PKD2L1: variants seen among roughly 807,000 people sequenced by gnomAD.
PKD2L1 encodes polycystin 2 like 1, transient receptor potential cation channel.
In PKD2L1, 77 loss-of-function variants were observed where a neutral mutation model predicts 93.0. That is an observed-to-expected ratio of 0.83 (90% CI 0.69 to 1.00). The LOEUF is 1.00. Ranked by LOEUF, PKD2L1 falls within the 50% of genes least tolerant of loss-of-function variation. PKD2L1 has a pLI of 0.00. For synonymous variants in PKD2L1, 390 were observed against 388.0 expected (o/e 1.01, Z -0.06); for missense variants, 977 against 990.9 (o/e 0.99, Z 0.19).
chr10:100,313,654 G>A (rs898864678), intron 2 of PKD2L1, among the ~76,000 whole-genome samples: 6 of 151,318 alleles, frequency 4.0e-5, no homozygotes, highest in Middle Eastern at 3.2e-3. Context: ...GAGTTACTGG[G>A]TCTACCCTCA....
intron 2 of PKD2L1, among the ~76,000 whole-genome samples, chr10:100,318,763 C>T (rs1339410856): frequency 1.3e-5 from 2 of 152,164 alleles, no homozygotes; most frequent in African/African-American, 2.4e-5. Context: ...TCGTGATCCA[C>T]CCACCTTGGC....
rs868718875 is a variant in PKD2L1, at chr10:100,294,953, G to A, written c.1527C>T (p.Phe509=). ...GACAGGACACACACATGCACTTGAT[G>A]AAAGTGCTAAAGTTTTCCACTTGGG... ...FGTQVENFST[F]IKCIFTQFRI... is the part of the protein sequence containing the mutation. Residue 509 remains phenylalanine, a synonymous_variant, in exon 8 of 16, where the codon TTC becomes TTT. Transcript: ENST00000318222. 6.2e-7 allele frequency: 1 copy of A among 1,613,178 alleles called. No homozygotes were observed. The highest frequency in any genetic ancestry group is 1.7e-5 in the Admixed American group (1 of 59,844).
intron 2 of PKD2L1, among the ~76,000 whole-genome samples, chr10:100,303,385 G>A (rs139450722): frequency 0.031 from 4,751 of 151,922 alleles, 88 homozygotes; most frequent in Non-Finnish European, 0.049. Flanking sequence ...TAGAGACGGG[G>A]TTTCTCCATA....
chr10:100,307,618 A>G (rs1848834482), intron 2 of PKD2L1, among the ~76,000 whole-genome samples: 1 of 152,188 alleles, frequency 6.6e-6, no homozygotes, highest in Non-Finnish European at 1.5e-5. Context: ...AGTGATCGTG[A>G]CATTGCATTC....
At chr10:100,288,598 T>C in intron 15 of PKD2L1, 120 bp from the exon 16 acceptor site, 1 of 683,792 alleles carries the variant, frequency 1.5e-6, no homozygotes, top group South Asian at 1.7e-5. Context: ...TCTCTTGGTT[T>C]CTACCTTTTT....
At chr10:100,312,390 C>T (rs961804095) in intron 2 of PKD2L1, among the ~76,000 whole-genome samples, 1 of 152,112 alleles carries the variant, frequency 6.6e-6, no homozygotes, top group Non-Finnish European at 1.5e-5. Context: ...TTATGAGTTG[C>T]TGTTGAAGGA....
intron 2 of PKD2L1, among the ~76,000 whole-genome samples, chr10:100,315,698 G>T (rs935831691): frequency 2.6e-5 from 4 of 152,154 alleles, no homozygotes; most frequent in African/African-American, 9.7e-5. Context: ...TGTTGTAATA[G>T]AATGAGAAGA....
At chr10:100,315,172 G>C (rs1031339169) in intron 2 of PKD2L1, among the ~76,000 whole-genome samples, 1 of 151,070 alleles carries the variant, frequency 6.6e-6, no homozygotes, top group African/African-American at 2.4e-5. Context: ...ATTACTGAGA[G>C]GGATTTTTTA....
intron 2 of PKD2L1, among the ~76,000 whole-genome samples, chr10:100,302,522 C>T (rs539086741): frequency 1.6e-4 from 24 of 151,380 alleles, no homozygotes; most frequent in Non-Finnish European, 3.1e-4. Context: ...TATAGCCAAA[C>T]CTCATCTCTA....
intron 1 of PKD2L1, among the ~76,000 whole-genome samples, 165 bp downstream of exon 1, chr10:100,329,704 G>A (rs1241287040): frequency 6.6e-6 from 1 of 152,170 alleles, no homozygotes; most frequent in Non-Finnish European, 1.5e-5. Context: ...TGGCCTCTGT[G>A]TTCTGGGTCA....
rs1234805108 is a variant in PKD2L1, at chr10:100,290,415, T to C, written c.2112A>G (p.Gly704=). 1.2e-6 allele frequency: 2 copies of C among 1,611,196 alleles called. No homozygotes were observed. The highest frequency in any genetic ancestry group is 2.2e-5 in the East Asian group (1 of 44,864). The change falls in exon 13 of 16, where the codon GGA becomes GGG. Residue 704 remains glycine, a synonymous_variant. Coordinates refer to ENST00000318222, the MANE Select transcript of PKD2L1 (RefSeq NM_016112.3). ...EAARAGGWVS[G]EEFYMLTRRV... ...GCTGCACGTACATGTAGAATTCTTCTCCTGAAACCCAGCCTCCTGCTCTGG... is the reference window on the plus strand; with the variant it reads ...GCTGCACGTACATGTAGAATTCTTCCCCTGAAACCCAGCCTCCTGCTCTGG...
At position 100,296,261 on chromosome 10, in the gene PKD2L1, A is replaced by G; in HGVS notation, c.1217T>C (p.Phe406Ser). 1 of 1,605,062 alleles carries G rather than the reference A, an allele frequency of 6.2e-7. No individual in the cohort carries two copies. Among genetic ancestry groups the G allele is most frequent in the Non-Finnish European group, 8.5e-7 (1 of 1,176,786 alleles). Residue 406 changes from phenylalanine to serine, a missense_variant, in exon 7 of 16, where the codon TTC (phenylalanine) becomes TCC (serine). Physicochemically the swap from Phe to Ser is radical, Grantham distance 155 (BLOSUM62 -2). Coordinates refer to ENST00000318222, the MANE Select transcript of PKD2L1 (RefSeq NM_016112.3). ...GAGCCGATTCACCTCGAGGGTTCGG[A>G]ATATGTGGAAGCCCACAGCCACAAT... Reference protein sequence around the residue: ...LSIVAVGFHIFRTLEVNRLMG... With the variant: ...LSIVAVGFHISRTLEVNRLMG...
At chr10:100,288,894 G>A in intron 15 of PKD2L1, 78 bp downstream of exon 15, 2 of 861,840 alleles carry the variant, frequency 2.3e-6, no homozygotes, top group Non-Finnish European at 1.8e-6. Flanking sequence ...TAGAAGTGCA[G>A]GGGATGTGGC....
rs1304238828 is a variant in PKD2L1 at position 100,298,878 on chromosome 10, C to A, written c.478-63G>T. 4.6e-6 allele frequency: 7 copies of A among 1,511,536 alleles called. No individual in the cohort carries two copies. The Admixed American group carries it at 6.2e-5, about 13-fold the overall frequency. 93.6% of individuals were successfully genotyped at this position (1,511,536 alleles called of 1,614,324 possible). A position where few individuals can be genotyped will look rare whatever the true frequency, so the allele number is the denominator to read the frequency against. Reference sequence around the variant, plus strand: ...TCCTGACCCCCTACCTTTAGAATGACCTTTGCCCTCATCCTCTGACTCCCC... The same window carrying A: ...TCCTGACCCCCTACCTTTAGAATGAACTTTGCCCTCATCCTCTGACTCCCC... On this transcript the variant is annotated intron_variant, in intron 3 of 15. Transcript: ENST00000318222.
At chr10:100,300,757 C>A (rs895368252) in intron 2 of PKD2L1, among the ~76,000 whole-genome samples, 1 of 152,154 alleles carries the variant, frequency 6.6e-6, no homozygotes, top group Admixed American at 6.5e-5. Context: ...CGTAAAATTA[C>A]TGTTTTTCTT....
Position 100,307,593 on chromosome 10 carries a change from G to A in PKD2L1, c.350-7875C>T, listed in dbSNP as rs375989224. Among the ~76,000 whole-genome samples the A allele has an allele frequency of 2.0e-4, 30 of 152,310 alleles. 2 individuals carry two copies. The East Asian group carries it at 5.2e-3, about 26-fold the overall frequency. ...GAGGATCGCTTGAGCCCTGGAGGTT[G>A]AGGTTGCAGTAAGCAGTGATCGTGA... On this transcript the variant is annotated intron_variant, in intron 2 of 15. Transcript: ENST00000318222.
intron 2 of PKD2L1, among the ~76,000 whole-genome samples, chr10:100,316,167 C>T (rs1210382047): frequency 6.6e-6 from 1 of 152,020 alleles, no homozygotes; most frequent in Non-Finnish European, 1.5e-5. Flanking sequence ...AGATGTGTCT[C>T]GGGTATTTCT....
intron 7 of PKD2L1, 129 bp downstream of exon 7, chr10:100,295,993 C>T (rs117721667): frequency 0.029 from 21,705 of 756,022 alleles, 444 homozygotes; most frequent in Non-Finnish European, 0.036. Flanking sequence ...CCAAGATCGC[C>T]CCCACTTCAC....
chr10:100,317,164 A>G (rs932170198), intron 2 of PKD2L1, among the ~76,000 whole-genome samples: 2 of 152,236 alleles, frequency 1.3e-5, no homozygotes, highest in Non-Finnish European at 2.9e-5. Flanking sequence ...TCATTTGAAA[A>G]TAATGATAAC....
Sources: gnomAD v4.1 joint callset for allele counts (sites outside exome capture counted in the v4.1 genomes callset) on GRCh38, gnomAD v4.1.1 for gene constraint, MANE v1.5 for transcripts, NCBI Gene and HGNC (gene_info 2026-07-23, HGNC 2026-07-21) for gene names.